ITPRID1: variants seen among roughly 807,000 people sequenced by gnomAD.
ITPRID1 encodes ITPR interacting domain containing 1, also known as protein ITPRID1.
ITPRID1 carries 96 observed loss-of-function variants against 95.4 expected under a neutral mutation model. The observed-to-expected ratio is 1.01, with a 90% confidence interval of 0.85 to 1.19. ITPRID1 has a LOEUF of 1.19. ITPRID1 is among the 50% of genes most tolerant of loss of function. The pLI is 0.00. For synonymous variants in ITPRID1, 510 were observed against 453.6 expected (o/e 1.12, Z -1.58); for missense variants, 1,339 against 1,252.9 (o/e 1.07, Z -1.04).
chr7:31,536,581 A>T (rs1783764829), intron 1 of ITPRID1, among the ~76,000 whole-genome samples: 1 of 152,234 alleles, frequency 6.6e-6, no homozygotes, highest in Non-Finnish European at 1.5e-5. Context: ...AAAAAGATAA[A>T]AAACTGAAGT....
chr7:31,604,428 G>A (rs1174701424), intron 10 of ITPRID1, among the ~76,000 whole-genome samples: 1 of 152,148 alleles, frequency 6.6e-6, no homozygotes, highest in Non-Finnish European at 1.5e-5. Context: ...AAAATTTAAT[G>A]TTGCTATGTT....
At chr7:31,599,634 T>G (rs1562598702) in intron 10 of ITPRID1, among the ~76,000 whole-genome samples, 7 of 93,538 alleles carry the variant, frequency 7.5e-5, no homozygotes, top group Non-Finnish European at 1.4e-4. Flanking sequence ...TCTTTCTTTC[T>G]TTCTTTCTTT....
chr7:31,556,469 T>A lies in ITPRID1; in HGVS notation c.256+1568T>A, dbSNP rs191953683. Among the ~76,000 whole-genome samples, 346 of 152,234 alleles carry A rather than the reference T, an allele frequency of 2.3e-3. 1 individual carries two copies. The highest frequency in any genetic ancestry group is 7.8e-3 in the African/African-American group (324 of 41,562). On this transcript the variant is annotated intron_variant, in intron 5 of 14. Coordinates refer to ENST00000615280, the MANE Select transcript of ITPRID1 (RefSeq NM_001257967.3). ...AGTGGTCAAGTGCCATGATTGTTGG[T>A]CACAGCTGGTTAGAGGCAGGTGGAG...
chr7:31,528,309 A>G (rs1177176725), intron 1 of ITPRID1, among the ~76,000 whole-genome samples: 1 of 152,228 alleles, frequency 6.6e-6, no homozygotes, highest in Non-Finnish European at 1.5e-5. Context: ...TTAAAGATCA[A>G]GTCTATTAAA....
intron 8 of ITPRID1, among the ~76,000 whole-genome samples, chr7:31,576,281 T>C (rs2128145712): frequency 6.6e-6 from 1 of 152,308 alleles, no homozygotes; most frequent in East Asian, 1.9e-4. Context: ...TCAAAGTCGA[T>C]ACAAATGTTT....
chr7:31,523,431 A>G (rs1260303063), intron 1 of ITPRID1, among the ~76,000 whole-genome samples: 1 of 152,202 alleles, frequency 6.6e-6, no homozygotes, highest in Non-Finnish European at 1.5e-5. Context: ...GTAACTCCCA[A>G]CTAAACTGAG....
chr7:31,578,477 C>G, intron 9 of ITPRID1, 43 bp downstream of exon 9: 2 of 1,433,338 alleles, frequency 1.4e-6, no homozygotes, highest in African/African-American at 1.4e-5. Context: ...GGGAAATAAC[C>G]TTCACTATGA....
chr7:31,586,416 C>A (rs1016046556), intron 10 of ITPRID1, among the ~76,000 whole-genome samples: 18 of 151,866 alleles, frequency 1.2e-4, no homozygotes, highest in Non-Finnish European at 2.4e-4. Context: ...AGTCGCCACA[C>A]TGACTTCCAC....
At chr7:31,554,386 T>C in intron 3 of ITPRID1, 89 bp from the exon 4 acceptor site, 1 of 1,519,248 alleles carries the variant, frequency 6.6e-7, no homozygotes, top group Non-Finnish European at 8.9e-7. Flanking sequence ...ATGTGGGAAA[T>C]AGTGACTGAG....
chr7:31,594,635 T>G (rs534244941), intron 10 of ITPRID1, among the ~76,000 whole-genome samples: 3 of 152,098 alleles, frequency 2.0e-5, no homozygotes, highest in Non-Finnish European at 4.4e-5. Flanking sequence ...GGCTGGTGGA[T>G]CACCTGAGGT....
chr7:31,568,709 G>C (rs1057107147), intron 5 of ITPRID1, among the ~76,000 whole-genome samples: 3 of 152,108 alleles, frequency 2.0e-5, no homozygotes, highest in African/African-American at 7.2e-5. Flanking sequence ...CTTCAGCACC[G>C]CTATCAGGCA....
At position 31,643,785 on chromosome 7, in the gene ITPRID1, C is replaced by T. The variant is rs1365898230; in HGVS notation, c.2415C>T (p.Cys805=). 1.2e-6 allele frequency: 2 copies of T among 1,614,002 alleles called. No homozygotes were observed. The highest frequency in any genetic ancestry group is 8.5e-7 in the Non-Finnish European group (1 of 1,179,890). Residue 805 remains cysteine (C), a synonymous_variant, in exon 12 of 15, where the codon TGC becomes TGT. Transcript: ENST00000615280. ...MGTCHAIPAH[C]CICCHHHPHC... is the part of the protein sequence containing the mutation. ...CCTGCCATGCTATACCTGCCCACTGCTGCATCTGCTGTCATCACCACCCTC... is the reference window on the plus strand; with the variant it reads ...CCTGCCATGCTATACCTGCCCACTGTTGCATCTGCTGTCATCACCACCCTC...
chr7:31,642,639 C>G (rs1355437147), intron 11 of ITPRID1, 43 bp from the exon 12 acceptor site: 1 of 1,562,428 alleles, frequency 6.4e-7, no homozygotes. Flanking sequence ...ATTGCCTCCT[C>G]CACTTCCTGA....
At chr7:31,615,672 G>GTTATT (rs1787132594) in intron 10 of ITPRID1, among the ~76,000 whole-genome samples, 3 of 139,212 alleles carry the variant, frequency 2.2e-5, no homozygotes, top group Non-Finnish European at 4.7e-5. Flanking sequence ...TCTTAGACAT[G>GTTATT]ACCAAGATCA....
intron 1 of ITPRID1, among the ~76,000 whole-genome samples, chr7:31,542,751 GAC>G (rs1783973083): frequency 6.6e-6 from 1 of 152,034 alleles, no homozygotes; most frequent in African/African-American, 2.4e-5. Flanking sequence ...GCCAAATTTT[GAC>G]ACCTTATAGT....
intron 5 of ITPRID1, among the ~76,000 whole-genome samples, chr7:31,557,017 C>T (rs1378379107): frequency 6.6e-6 from 1 of 151,864 alleles, no homozygotes; most frequent in Admixed American, 6.6e-5. Context: ...CTACATAACT[C>T]CTTTCTATGA....
rs537627979 is a variant in ITPRID1 at position 31,623,214 on chromosome 7, A to C, written c.1229-18962A>C. 1.4e-4 allele frequency among the ~76,000 whole-genome samples: 22 copies of C among 152,256 alleles called. No individual in the cohort carries two copies. In the East Asian group the frequency reaches 2.7e-3, roughly 19 times the overall value. On this transcript the variant is annotated intron_variant, in intron 10 of 14. Transcript: ENST00000615280. ...GTACCATTCCTTCTGAAACTATTCCAATCAATAGAAAAAGAGGGAATCCTC... is the reference window on the plus strand; with the variant it reads ...GTACCATTCCTTCTGAAACTATTCCCATCAATAGAAAAAGAGGGAATCCTC...
At chr7:31,581,840 TCA>T (rs1785415781) in intron 9 of ITPRID1, among the ~76,000 whole-genome samples, 1 of 152,194 alleles carries the variant, frequency 6.6e-6, no homozygotes, top group Admixed American at 6.5e-5. Flanking sequence ...TGCACTGACT[TCA>T]GTTACCAACA....
chr7:31,638,034 C>T (rs10281599), intron 10 of ITPRID1, among the ~76,000 whole-genome samples: 3 of 152,018 alleles, frequency 2.0e-5, no homozygotes, highest in African/African-American at 7.2e-5. Context: ...GATGGGCTGC[C>T]CTCTCAACAG....
Sources: allele counts gnomAD v4.1 joint callset (sites outside exome capture counted in the v4.1 genomes callset), GRCh38; gene constraint gnomAD v4.1.1; transcripts MANE v1.5; gene names NCBI Gene and HGNC (gene_info 2026-07-23, HGNC 2026-07-21).